BBOF1: variants seen among roughly 807,000 people sequenced by gnomAD.
BBOF1 encodes the protein basal body orientation factor 1, also known as basal body-orientation factor 1.
A neutral mutation model predicts 68.0 loss-of-function variants in BBOF1; 62 were observed. That is an observed-to-expected ratio of 0.91 (90% confidence interval 0.74 to 1.13). The LOEUF is 1.13. BBOF1 is among the 50% of genes most tolerant of loss of function. BBOF1 has a pLI of 0.00. For missense variants in BBOF1, 534 were observed against 600.1 expected, an observed-to-expected ratio of 0.89 and a Z score of 1.15; for synonymous variants, 208 against 198.8, an observed-to-expected ratio of 1.05 and a Z score of -0.39.
chr14:74,042,863 T>TACACAC (rs1291772065), intron 5 of BBOF1, among the ~76,000 whole-genome samples: 3 of 120,596 alleles, frequency 2.5e-5, no homozygotes, highest in South Asian at 3.1e-4. Flanking sequence ...CTCTCTCTTA[T>TACACAC]ACACACACAC....
At chr14:74,066,948 G>T, downstream of BBOF1, 1 of 1,501,430 alleles carries the variant, frequency 6.7e-7, no homozygotes, top group Non-Finnish European at 9.2e-7. Context: ...TGCTGCCAGG[G>T]CTCATGCCTG....
At chr14:74,049,181 C>A (rs1294309328) in intron 7 of BBOF1, among the ~76,000 whole-genome samples, 2 of 152,122 alleles carry the variant, frequency 1.3e-5, no homozygotes, top group Admixed American at 6.6e-5. Context: ...GCCCTTCATT[C>A]TTTTTCATGG....
At chr14:74,027,385 C>CTTTTTTTT (rs35107293) in intron 2 of BBOF1, among the ~76,000 whole-genome samples, 1 of 61,072 alleles carries the variant, frequency 1.6e-5, no homozygotes, top group African/African-American at 7.2e-5. Flanking sequence ...CCTCGCCCAG[C>CTTTTTTTT]TTTTTTTTTT....
downstream of BBOF1, chr14:74,066,786 G>A (rs754201918): frequency 6.2e-6 from 10 of 1,613,894 alleles, no homozygotes; most frequent in South Asian, 9.9e-5. Flanking sequence ...CATCAAGAAG[G>A]ATGGAAGCTC....
At chr14:74,069,209 A>G (rs1324640702), downstream of BBOF1, 1 of 418,068 alleles carries the variant, frequency 2.4e-6, no homozygotes, top group Admixed American at 3.6e-5. Flanking sequence ...GGTTCAAGCA[A>G]TTCTCTGCCT....
chr14:74,046,360 CTTAT>C (rs1326846040), intron 6 of BBOF1, among the ~76,000 whole-genome samples: 1 of 152,042 alleles, frequency 6.6e-6, no homozygotes, highest in East Asian at 1.9e-4. Flanking sequence ...TTTGAACTTA[CTTAT>C]TTATTGATTT....
At chr14:74,068,188 C>G (rs932748812), downstream of BBOF1, among the ~76,000 whole-genome samples, 2 of 150,458 alleles carry the variant, frequency 1.3e-5, no homozygotes, top group African/African-American at 4.9e-5. Flanking sequence ...AGTTCAAGAC[C>G]AGCTTGGCCA....
intron 8 of BBOF1, among the ~76,000 whole-genome samples, chr14:74,050,696 G>C (rs1475818718): frequency 6.6e-6 from 1 of 151,686 alleles, no homozygotes; most frequent in Non-Finnish European, 1.5e-5. Context: ...CACCAATCCA[G>C]GTTAAACATT....
At chr14:74,044,473 C>CTT (rs2059903376) in intron 5 of BBOF1, among the ~76,000 whole-genome samples, 1 of 46,234 alleles carries the variant, frequency 2.2e-5, no homozygotes, top group African/African-American at 1.2e-4. Context: ...CCAACCTCTT[C>CTT]TCTTTTTTTT....
At chr14:74,062,797 T>C (rs36030304) in intron 11 of BBOF1, among the ~76,000 whole-genome samples, 78,990 of 151,896 alleles carry the variant, frequency 0.52, 21,211 homozygotes, top group East Asian at 0.89. Flanking sequence ...TGGCAGCACA[T>C]AGCTGGCACA....
downstream of BBOF1, chr14:74,068,840 A>T: frequency 6.2e-7 from 1 of 1,613,656 alleles, no homozygotes; most frequent in South Asian, 1.1e-5. Flanking sequence ...AGATTGGAGA[A>T]AAAAGGAATA....
intron 3 of BBOF1, among the ~76,000 whole-genome samples, chr14:74,032,525 GCT>G (rs944779628): frequency 2.9e-5 from 4 of 136,312 alleles, no homozygotes; most frequent in Non-Finnish European, 6.2e-5. Context: ...GCGGAGTCTT[GCT>G]CTGTCACCCA....
downstream of BBOF1, chr14:74,070,755 AG>A (rs761809387): frequency 7.6e-5 from 14 of 183,262 alleles, no homozygotes; most frequent in Non-Finnish European, 1.4e-4. Flanking sequence ...CCTACCTCAA[AG>A]GGTGATTATA....
intron 2 of BBOF1, among the ~76,000 whole-genome samples, chr14:74,023,887 G>T (rs1490026937): frequency 1.4e-5 from 2 of 145,272 alleles, no homozygotes; most frequent in Non-Finnish European, 3.0e-5. Flanking sequence ...TTACACTCCA[G>T]CCTGGCAGCC....
chr14:74,040,173 TG>T (rs1296182607), intron 4 of BBOF1, among the ~76,000 whole-genome samples: 2 of 152,078 alleles, frequency 1.3e-5, no homozygotes, highest in Admixed American at 6.6e-5. Flanking sequence ...TTGTATTTTT[TG>T]TAGAGACAGG....
chr14:74,079,614 A>G, intron 10 of BBOF1, among the ~76,000 whole-genome samples: 1 of 151,240 alleles, frequency 6.6e-6, no homozygotes. Flanking sequence ...TTGTATTTTT[A>G]GTAGAGATGG....
intron 7 of BBOF1, among the ~76,000 whole-genome samples, chr14:74,049,173 C>T (rs2060014118): frequency 6.6e-6 from 1 of 152,090 alleles, no homozygotes; most frequent in Non-Finnish European, 1.5e-5. Flanking sequence ...CATGCTCAGC[C>T]CTTCATTCTT....
In BBOF1 at chr14:74,034,172, G is replaced by A; in HGVS notation, c.495+1G>A. On this transcript the variant is annotated splice_donor_variant, in intron 4 of 11. Coordinates refer to ENST00000394009, the MANE Select transcript of BBOF1 (RefSeq NM_025057.3). LOFTEE classifies it high-confidence loss of function. ...CCAAGTGGAGAGAGAGTTAGATGATGTAAGTTTCATTCCTTTTTTACAAAA... is the reference window on the plus strand; with the variant it reads ...CCAAGTGGAGAGAGAGTTAGATGATATAAGTTTCATTCCTTTTTTACAAAA... 1 of 1,537,694 alleles carries A rather than the reference G, an allele frequency of 6.5e-7. No homozygotes were observed. The highest frequency in any genetic ancestry group is 8.7e-7 in the Non-Finnish European group (1 of 1,143,244).
downstream of BBOF1, among the ~76,000 whole-genome samples, chr14:74,069,999 G>A (rs1387087604): frequency 6.6e-6 from 1 of 151,488 alleles, no homozygotes; most frequent in African/African-American, 2.4e-5. Context: ...CACCATTCCT[G>A]GCTAATTTTT....
Sources: allele counts gnomAD v4.1 joint callset (sites outside exome capture counted in the v4.1 genomes callset), GRCh38; gene constraint gnomAD v4.1.1; transcripts MANE v1.5; gene names NCBI Gene and HGNC (gene_info 2026-07-23, HGNC 2026-07-21).